The following ADAMTSL1 variants were observed in gnomAD, a reference collection of about 807,000 sequenced individuals.
ADAMTSL1 encodes the protein ADAMTS-like protein 1.
ADAMTSL1 carries 126 observed loss-of-function variants against 201.8 expected under a neutral mutation model. The observed-to-expected ratio is 0.62, with a 90% CI of 0.54 to 0.72. The LOEUF (loss-of-function observed/expected upper bound fraction) is 0.72, where lower values mean the gene tolerates loss of function less well. Ranked by LOEUF, ADAMTSL1 falls within the 30% of genes least tolerant of loss-of-function variation. The pLI is 0.00. For missense variants in ADAMTSL1, 2,679 were observed against 2,277.8 expected (o/e 1.18, Z -3.59); for synonymous variants, 1,121 against 903.4 (o/e 1.24, Z -4.32).
At chr9:18,551,822 C>T (rs771873820) in intron 3 of ADAMTSL1, among the ~76,000 whole-genome samples, 6 of 151,740 alleles carry the variant, frequency 4.0e-5, no homozygotes, top group Non-Finnish European at 7.4e-5. Context: ...TCTTTCTTCT[C>T]GAATAGTTGT....
chr9:17,915,861 A>G (rs1826071686), intron 1 of ADAMTSL1, among the ~76,000 whole-genome samples: 1 of 152,074 alleles, frequency 6.6e-6, no homozygotes, highest in Admixed American at 6.6e-5. Flanking sequence ...TTCTATTCAA[A>G]TATTTAGCCC....
chr9:17,973,918 T>C (rs1309558888), intron 1 of ADAMTSL1, among the ~76,000 whole-genome samples: 2 of 151,144 alleles, frequency 1.3e-5, no homozygotes, highest in East Asian at 2.0e-4. Context: ...TTTTATTCTC[T>C]TTGAAGCAAT....
intron 1 of ADAMTSL1, among the ~76,000 whole-genome samples, chr9:18,007,925 A>G (rs1366623384): frequency 6.6e-6 from 1 of 152,042 alleles, no homozygotes; most frequent in African/African-American, 2.4e-5. Flanking sequence ...TGCTCTTTCC[A>G]TAATAATTTG....
chr9:17,922,412 A>T (rs1043347719), intron 1 of ADAMTSL1, among the ~76,000 whole-genome samples: 1 of 152,148 alleles, frequency 6.6e-6, no homozygotes, highest in Non-Finnish European at 1.5e-5. Flanking sequence ...AGATCTGTGC[A>T]ACTAAAAGCT....
chr9:18,687,990 T>A (rs10963722), intron 13 of ADAMTSL1, among the ~76,000 whole-genome samples: 23,326 of 152,008 alleles, frequency 0.15, 2,146 homozygotes, highest in South Asian at 0.24. Flanking sequence ...TAAAGCTGAA[T>A]CTTCAACTCA....
chr9:18,314,847 A>T (rs927428274), intron 2 of ADAMTSL1, among the ~76,000 whole-genome samples: 1 of 111,686 alleles, frequency 9.0e-6, no homozygotes, highest in Non-Finnish European at 1.7e-5. Flanking sequence ...CCCAGGCTGG[A>T]GTGCAGTGGC....
intron 2 of ADAMTSL1, among the ~76,000 whole-genome samples, chr9:18,349,174 G>T (rs1446873230): frequency 1.3e-5 from 2 of 152,180 alleles, no homozygotes; most frequent in African/African-American, 4.8e-5. Flanking sequence ...GGAAGAAGAT[G>T]AGGCACTTGA....
rs149925481 is a variant in ADAMTSL1, at chr9:18,607,627, G to A, written c.475-14616G>A. Among the ~76,000 whole-genome samples, 210 of 151,972 alleles carry A rather than the reference G, an allele frequency of 1.4e-3. 1 individual carries two copies. Among genetic ancestry groups the A allele is most frequent in the African/African-American group, 4.7e-3 (195 of 41,454 alleles). ...GTTTTAGGGTACATGTGCACAACAT[G>A]CAGGTTTGTTACCTATGTATACACG... On this transcript the variant is annotated intron_variant, in intron 4 of 28. Transcript: ENST00000380548.
intron 15 of ADAMTSL1, among the ~76,000 whole-genome samples, chr9:18,731,361 T>C (rs1371043135): frequency 6.6e-6 from 1 of 152,218 alleles, no homozygotes; most frequent in East Asian, 1.9e-4. Flanking sequence ...CTGGGTGTAG[T>C]GGCTCATGTC....
intron 2 of ADAMTSL1, among the ~76,000 whole-genome samples, chr9:18,323,434 A>C (rs1018703569): frequency 6.6e-6 from 1 of 152,206 alleles, no homozygotes; most frequent in Non-Finnish European, 1.5e-5. Context: ...TATCACAGTT[A>C]ATGGTAAAAT....
intron 2 of ADAMTSL1, among the ~76,000 whole-genome samples, chr9:18,350,119 A>C (rs1488621806): frequency 6.6e-6 from 1 of 151,904 alleles, no homozygotes; most frequent in African/African-American, 2.4e-5. Flanking sequence ...AATGTGGCAA[A>C]TGGCCCAGCA....
chr9:18,240,682 T>C (rs1764063859), intron 2 of ADAMTSL1, among the ~76,000 whole-genome samples: 1 of 152,196 alleles, frequency 6.6e-6, no homozygotes. Context: ...ATATAAGATA[T>C]CAAAGTACTC....
chr9:18,884,177 C>T (rs1295308764), intron 23 of ADAMTSL1, among the ~76,000 whole-genome samples: 1 of 152,170 alleles, frequency 6.6e-6, no homozygotes, highest in African/African-American at 2.4e-5. Flanking sequence ...AATTGAGCAT[C>T]TTTTCATGTG....
intron 19 of ADAMTSL1, among the ~76,000 whole-genome samples, chr9:18,780,607 C>G (rs1347441317): frequency 6.6e-6 from 1 of 152,162 alleles, no homozygotes; most frequent in Non-Finnish European, 1.5e-5. Flanking sequence ...CCTCTTCCCC[C>G]CAATGCTCCC....
intron 1 of ADAMTSL1, among the ~76,000 whole-genome samples, chr9:17,978,819 T>G (rs1280678494): frequency 6.6e-6 from 1 of 152,140 alleles, no homozygotes; most frequent in Non-Finnish European, 1.5e-5. Context: ...TCTTCACATT[T>G]CAGCTTGAAG....
intron 2 of ADAMTSL1, among the ~76,000 whole-genome samples, chr9:18,174,283 C>A (rs972379044): frequency 2.6e-5 from 4 of 152,222 alleles, no homozygotes; most frequent in African/African-American, 7.2e-5. Flanking sequence ...GTTTAAATGC[C>A]TATCCTAAAT....
At chr9:18,313,203 C>G (rs72686842) in intron 2 of ADAMTSL1, among the ~76,000 whole-genome samples, 11,802 of 152,242 alleles carry the variant, frequency 0.078, 632 homozygotes, top group Non-Finnish European at 0.12. Context: ...TTAGGCAATG[C>G]TGATACTGTT....
At chr9:18,174,470 G>A (rs1280766509) in intron 2 of ADAMTSL1, among the ~76,000 whole-genome samples, 1 of 152,152 alleles carries the variant, frequency 6.6e-6, no homozygotes, top group African/African-American at 2.4e-5. Context: ...GGAATCATAT[G>A]ATCAAAAGTC....
intron 1 of ADAMTSL1, among the ~76,000 whole-genome samples, chr9:18,038,539 C>A (rs1292164270): frequency 6.6e-6 from 1 of 152,162 alleles, no homozygotes; most frequent in Admixed American, 6.5e-5. Context: ...TATTTTATCT[C>A]AACCTGTATC....
Sources: gnomAD v4.1 joint callset for allele counts (sites outside exome capture counted in the v4.1 genomes callset) on GRCh38, gnomAD v4.1.1 for gene constraint, MANE v1.5 for transcripts, NCBI Gene and HGNC (gene_info 2026-07-23, HGNC 2026-07-21) for gene names.